The following PTPRN2 variants were observed in gnomAD, a reference collection of about 807,000 sequenced individuals.
PTPRN2 encodes receptor-type tyrosine-protein phosphatase N2.
In PTPRN2, 74 loss-of-function variants were observed where a neutral mutation model predicts 118.8. The observed-to-expected ratio is 0.62, with a 90% confidence interval of 0.52 to 0.76. PTPRN2 has a LOEUF of 0.76. PTPRN2 is among the 30% of genes least tolerant of loss of function. The pLI, the probability that PTPRN2 is intolerant of heterozygous loss-of-function variation, is 0.00. For synonymous variants in PTPRN2, 641 were observed against 608.0 expected, an observed-to-expected ratio of 1.05 and a Z score of -0.80; for missense variants, 1,481 against 1,394.4, an observed-to-expected ratio of 1.06 and a Z score of -0.99.
chr7:157,824,796 A>G (rs1698584321), intron 12 of PTPRN2, among the ~76,000 whole-genome samples: 1 of 152,196 alleles, frequency 6.6e-6, no homozygotes, highest in South Asian at 2.1e-4. Context: ...GCAGAAGGCA[A>G]CACTCCTCAG....
In PTPRN2 at chr7:157,573,991, G is replaced by A. The variant is rs17837782; in HGVS notation, c.2784-2498C>T. On this transcript the variant is annotated intron_variant, in intron 19 of 22. Coordinates refer to ENST00000389418, the MANE Select transcript of PTPRN2 (RefSeq NM_002847.5). Reference sequence around the variant, plus strand: ...GGATCATGCAGTTGTATTATTACACGCAAAGCATCACAAATAGAGAGGAAA... The same window carrying A: ...GGATCATGCAGTTGTATTATTACACACAAAGCATCACAAATAGAGAGGAAA... 1.5e-3 allele frequency among the ~76,000 whole-genome samples: 229 copies of A among 152,240 alleles called. 4 individuals carry two copies. The East Asian group carries it at 0.041, about 27-fold the overall frequency.
chr7:158,142,796 T>A (rs1270640275), intron 6 of PTPRN2, among the ~76,000 whole-genome samples: 1 of 152,270 alleles, frequency 6.6e-6, no homozygotes, highest in Non-Finnish European at 1.5e-5. Context: ...TACTCCTGTC[T>A]GCAGGTGACA....
chr7:158,467,293 T>C (rs1819465582), intron 2 of PTPRN2, among the ~76,000 whole-genome samples: 1 of 151,724 alleles, frequency 6.6e-6, no homozygotes, highest in African/African-American at 2.4e-5. Flanking sequence ...GTTTTTTTTG[T>C]GTGTTGTTTG....
At chr7:157,567,178 C>T (rs1179134101) in intron 21 of PTPRN2, among the ~76,000 whole-genome samples, 1 of 152,160 alleles carries the variant, frequency 6.6e-6, no homozygotes, top group East Asian at 1.9e-4. Flanking sequence ...CAAGACACAG[C>T]AGCATTAATG....
chr7:158,276,314 G>C, intron 3 of PTPRN2, among the ~76,000 whole-genome samples: 1 of 50,626 alleles, frequency 2.0e-5, no homozygotes, highest in Non-Finnish European at 4.6e-5. Flanking sequence ...GGCCCCGACA[G>C]GCTGTAATGT....
chr7:158,282,412 T>C (rs1045160140), intron 3 of PTPRN2, among the ~76,000 whole-genome samples: 18 of 152,248 alleles, frequency 1.2e-4, no homozygotes, highest in Non-Finnish European at 2.9e-5. Context: ...TGCGGGGCCA[T>C]GCGTCAGAGG....
intron 2 of PTPRN2, among the ~76,000 whole-genome samples, chr7:158,418,370 A>T (rs7779611): frequency 0.9 from 126,383 of 139,688 alleles, 57,091 homozygotes; most frequent in Non-Finnish European, 0.94. Context: ...AGTCATGGTG[A>T]ACTACATCAA....
At position 157,603,441 on chromosome 7, in the gene PTPRN2, G is replaced by A. The variant is rs1486870267; in HGVS notation, c.2418+561C>T. Among the ~76,000 whole-genome samples the A allele has an allele frequency of 4.6e-5, 7 of 152,084 alleles. No homozygotes were observed. The highest frequency in any genetic ancestry group is 1.9e-4 in the East Asian group (1 of 5,194). ...CGGCACAGGAGCTGCCACCACACTC[G>A]TCCCCAGAAACACAGGACAGCCCGA... On this transcript the variant is annotated intron_variant, in intron 16 of 22. Transcript: ENST00000389418. The surrounding 1 kb of genome is among the most constrained non-coding windows in gnomAD (Gnocchi z 5.4).
intron 5 of PTPRN2, among the ~76,000 whole-genome samples, chr7:158,188,303 T>C (rs1192215562): frequency 1.0e-4 from 9 of 87,450 alleles, no homozygotes; most frequent in Non-Finnish European, 1.8e-4. Context: ...GCTCGCCCCC[T>C]GTATGGGGAA....
Position 158,316,842 on chromosome 7 carries a change from G to A in PTPRN2, c.254C>T (p.Ala85Val), listed in dbSNP as rs372176198. 368 of 1,607,804 alleles carry A rather than the reference G, an allele frequency of 2.3e-4. No individual in the cohort carries two copies. Among genetic ancestry groups the A allele is most frequent in the South Asian group, 8.0e-4 (73 of 90,904 alleles). ...SPVALQRLRV[A>V]LQKLSGTGFT... ...ACCTGTGCCGGAAAGCTTCTGCAAC[G>A]CCACGCGCAGGCGCTGCAGGGCCAC... Residue 85 changes from alanine (A) to valine (V), a missense_variant, in exon 3 of 23, where the codon GCG (alanine) becomes GTG (valine). Coordinates refer to ENST00000389418, the MANE Select transcript of PTPRN2 (RefSeq NM_002847.5).
chr7:158,042,101 C>T (rs767169523), intron 11 of PTPRN2, among the ~76,000 whole-genome samples: 6 of 152,196 alleles, frequency 3.9e-5, no homozygotes, highest in Admixed American at 2.6e-4. Flanking sequence ...TTTCTGCCCA[C>T]GAAAGAGCCT....
intron 12 of PTPRN2, chr7:157,865,518 C>T (rs567910055): frequency 6.6e-6 from 1 of 152,364 alleles, no homozygotes; most frequent in South Asian, 2.1e-4. Context: ...ACGACGGACC[C>T]TGCAAAGCTG....
intron 22 of PTPRN2, among the ~76,000 whole-genome samples, chr7:157,545,150 T>A: frequency 6.8e-6 from 1 of 146,182 alleles, no homozygotes; most frequent in Non-Finnish European, 1.5e-5. Flanking sequence ...TGCAGGTGTG[T>A]GGGTGTGTGC....
chr7:157,879,872 C>T (rs1796017532), intron 12 of PTPRN2, among the ~76,000 whole-genome samples: 1 of 150,472 alleles, frequency 6.6e-6, no homozygotes, highest in Admixed American at 6.6e-5. Flanking sequence ...GCTTCAATAG[C>T]CCCTTGATTA....
intron 17 of PTPRN2, among the ~76,000 whole-genome samples, chr7:157,589,381 C>T (rs560737325): frequency 2.2e-4 from 33 of 152,338 alleles, no homozygotes; most frequent in African/African-American, 4.6e-4. Flanking sequence ...CCAATGGGTG[C>T]GTGTCTTTCA....
Position 157,653,089 on chromosome 7 carries a change from C to T in PTPRN2, c.2196+3268G>A, listed in dbSNP as rs533813638. Among the ~76,000 whole-genome samples the T allele has an allele frequency of 9.2e-5, 14 of 152,340 alleles. No individual in the cohort carries two copies. In the East Asian group the frequency reaches 1.9e-3, roughly 21 times the overall value. ...TGTGTCCTTTGTCACAGAAAGTCTC[C>T]GCTCTTGGTGCTGAGCCTGCCCCCC... On this transcript the variant is annotated intron_variant, in intron 14 of 22. Transcript: ENST00000389418.
intron 2 of PTPRN2, among the ~76,000 whole-genome samples, chr7:158,462,789 T>C (rs1242608794): frequency 1.3e-5 from 2 of 152,246 alleles, no homozygotes; most frequent in East Asian, 3.9e-4. Context: ...CTGCCTACGA[T>C]TGTGTGGGGA....
At chr7:158,293,756 T>TAAAA (rs35511035) in intron 3 of PTPRN2, among the ~76,000 whole-genome samples, 1 of 147,122 alleles carries the variant, frequency 6.8e-6, no homozygotes, top group Non-Finnish European at 1.5e-5. Context: ...ACTTTTTTGT[T>TAAAA]AAAAAAAAAA....
intron 19 of PTPRN2, among the ~76,000 whole-genome samples, chr7:157,575,558 A>C (rs1360426425): frequency 6.6e-6 from 1 of 152,244 alleles, no homozygotes; most frequent in Non-Finnish European, 1.5e-5. Context: ...TTCAATGTAG[A>C]CTAAAAGGCA....
Sources: gnomAD v4.1 joint callset for allele counts (sites outside exome capture counted in the v4.1 genomes callset) on GRCh38, gnomAD v4.1.1 for gene constraint, Gnocchi (gnomAD v3.1) non-coding constraint, MANE v1.5 for transcripts, NCBI Gene and HGNC (gene_info 2026-07-23, HGNC 2026-07-21) for gene names.